Variants in FARS2 observed in about 807,000 individuals in gnomAD.
FARS2 encodes phenylalanine--tRNA ligase, mitochondrial.
A neutral mutation model predicts 46.4 loss-of-function variants in FARS2; 40 were observed. That is an observed-to-expected ratio of 0.86 (90% CI 0.67 to 1.12). FARS2 has a LOEUF of 1.12. FARS2 is among the 50% of genes most tolerant of loss of function. The pLI is 0.00. For synonymous variants in FARS2, 234 were observed against 214.9 expected (o/e 1.09, Z -0.78); for missense variants, 513 against 567.9 (o/e 0.90, Z 0.98).
rs568451039 is a variant in FARS2, at chr6:5,437,536, G to A, written c.904+6364G>A. On this transcript the variant is annotated intron_variant, in intron 4 of 6. Coordinates refer to ENST00000274680, the MANE Select transcript of FARS2 (RefSeq NM_006567.5). ...TTTTTTTGAAGCCATATTATTAGGT[G>A]CATATATTTTCATAGTAGTTATGTT... Among the ~76,000 whole-genome samples the A allele has an allele frequency of 3.9e-5, 6 of 152,114 alleles. No individual in the cohort carries two copies. In the South Asian group the frequency reaches 6.2e-4, roughly 16 times the overall value.
intron 5 of FARS2, among the ~76,000 whole-genome samples, chr6:5,585,771 CTT>C (rs1052158772): frequency 3.9e-5 from 6 of 151,922 alleles, no homozygotes; most frequent in African/African-American, 9.7e-5. Flanking sequence ...CATATAAACA[CTT>C]ATATACACAT....
intron 2 of FARS2, among the ~76,000 whole-genome samples, chr6:5,382,352 A>G (rs548828098): frequency 1.2e-4 from 19 of 152,326 alleles, no homozygotes; most frequent in African/African-American, 1.7e-4. Flanking sequence ...CTTTAATGCA[A>G]AAGGAACTCA....
chr6:5,697,432 C>T (rs1561807608), intron 6 of FARS2, among the ~76,000 whole-genome samples: 1 of 152,138 alleles, frequency 6.6e-6, no homozygotes, highest in Admixed American at 6.5e-5. Flanking sequence ...GCCATCATTG[C>T]ATAAAACTTT....
Position 5,597,865 on chromosome 6 carries a change from G to C in FARS2, c.1066-15304G>C, listed in dbSNP as rs184941277. Among the ~76,000 whole-genome samples, 57 of 151,918 alleles carry C rather than the reference G, an allele frequency of 3.8e-4. 1 individual carries two copies. The highest frequency in any genetic ancestry group is 3.7e-3 in the Admixed American group (56 of 15,262). The stretch of plus-strand genomic sequence containing the variant: ...ATTTCTCTAGCTAATGACTAACATT[G>C]ATATCCTTTTTCCTTTAATTTTCTT... On this transcript the variant is annotated intron_variant, in intron 5 of 6. Transcript: ENST00000274680.
At chr6:5,445,801 C>T (rs1764149008) in intron 4 of FARS2, among the ~76,000 whole-genome samples, 1 of 152,196 alleles carries the variant, frequency 6.6e-6, no homozygotes, top group Admixed American at 6.5e-5. Flanking sequence ...AAGAAGGACA[C>T]ATGGGGACAT....
intron 4 of FARS2, among the ~76,000 whole-genome samples, chr6:5,432,600 C>G (rs2127772186): frequency 6.9e-6 from 1 of 145,638 alleles, no homozygotes; most frequent in Admixed American, 7.0e-5. Flanking sequence ...TTTGAGCTCA[C>G]TACATAAGCA....
intron 4 of FARS2, among the ~76,000 whole-genome samples, chr6:5,442,158 A>G (rs896290357): frequency 1.3e-5 from 2 of 152,114 alleles, no homozygotes; most frequent in Non-Finnish European, 2.9e-5. Flanking sequence ...TTTTATTTGA[A>G]TTTACCTGGT....
chr6:5,361,523 G>A (rs1259476356), intron 1 of FARS2, among the ~76,000 whole-genome samples: 2 of 152,166 alleles, frequency 1.3e-5, no homozygotes, highest in Admixed American at 6.5e-5. Context: ...ACACCCTCAC[G>A]AGTAATGCAG....
intron 2 of FARS2, among the ~76,000 whole-genome samples, chr6:5,392,735 TACACACACACACACACACAC>T (rs10526282): frequency 7.0e-6 from 1 of 142,348 alleles, no homozygotes; most frequent in Non-Finnish European, 1.5e-5. Context: ...TATATATATA[TACACACACACACACACACAC>T]ACACACACAC....
intron 4 of FARS2, among the ~76,000 whole-genome samples, chr6:5,543,108 C>T (rs1489364600): frequency 1.3e-5 from 2 of 152,070 alleles, no homozygotes; most frequent in African/African-American, 4.8e-5. Flanking sequence ...AATTATCAGC[C>T]TGTGATGTGC....
chr6:5,660,474 C>T (rs758855549), intron 6 of FARS2, among the ~76,000 whole-genome samples: 6 of 151,886 alleles, frequency 4.0e-5, no homozygotes, highest in Non-Finnish European at 8.8e-5. Flanking sequence ...AGTGAGACCC[C>T]CATCTCTACA....
intron 1 of FARS2, among the ~76,000 whole-genome samples, chr6:5,275,825 G>A (rs1363059478): frequency 2.0e-5 from 3 of 151,620 alleles, no homozygotes; most frequent in African/African-American, 7.3e-5. Flanking sequence ...TAAACATCCT[G>A]TCAGTTCCTT....
intron 6 of FARS2, among the ~76,000 whole-genome samples, chr6:5,731,514 G>A (rs1760622312): frequency 6.6e-6 from 1 of 152,106 alleles, no homozygotes; most frequent in Admixed American, 6.5e-5. Context: ...AGCCATGGGC[G>A]CCATTCTTTG....
intron 4 of FARS2, among the ~76,000 whole-genome samples, chr6:5,497,051 T>G (rs763163789): frequency 6.6e-6 from 1 of 152,166 alleles, no homozygotes; most frequent in Non-Finnish European, 1.5e-5. Flanking sequence ...ATCCTGTTAC[T>G]GTGAACAGCA....
At chr6:5,709,342 C>T (rs1258575138) in intron 6 of FARS2, among the ~76,000 whole-genome samples, 1 of 152,130 alleles carries the variant, frequency 6.6e-6, no homozygotes. Context: ...GCTGCACCTG[C>T]CCTCACAGCT....
chr6:5,766,191 G>A (rs1231687326), intron 6 of FARS2, among the ~76,000 whole-genome samples: 1 of 152,236 alleles, frequency 6.6e-6, no homozygotes, highest in Non-Finnish European at 1.5e-5. Flanking sequence ...CAGGTAGTCA[G>A]TGCAGCCTGT....
At chr6:5,539,386 A>G (rs9405844) in intron 4 of FARS2, among the ~76,000 whole-genome samples, 27,070 of 114,002 alleles carry the variant, frequency 0.24, 4,434 homozygotes, top group East Asian at 0.43. Context: ...TTTTTTGTGT[A>G]TATATATATA....
chr6:5,253,508 A>G, the FARS2 span, among the ~76,000 whole-genome samples: 2 of 152,136 alleles, frequency 1.3e-5, no homozygotes, highest in Non-Finnish European at 2.9e-5. Flanking sequence ...AAATTTCAGC[A>G]ATTTTCTTAT....
intron 5 of FARS2, among the ~76,000 whole-genome samples, chr6:5,590,112 T>C (rs1773829492): frequency 6.6e-6 from 1 of 152,248 alleles, no homozygotes; most frequent in Non-Finnish European, 1.5e-5. Flanking sequence ...GTACCTGACA[T>C]ACTCTAAGTG....
Sources: gnomAD v4.1 joint callset for allele counts (sites outside exome capture counted in the v4.1 genomes callset) on GRCh38, gnomAD v4.1.1 for gene constraint, MANE v1.5 for transcripts, NCBI Gene and HGNC (gene_info 2026-07-23, HGNC 2026-07-21) for gene names.